The following ADGRL3 variants were observed in gnomAD, a reference collection of about 807,000 sequenced individuals.
The protein encoded by ADGRL3 is calcium-independent alpha-latrotoxin receptor 3.
A neutral mutation model predicts 153.5 loss-of-function variants in ADGRL3; 62 were observed. The ratio of observed to expected loss-of-function variants is 0.40; its 90% CI spans 0.33 to 0.50. The LOEUF is 0.50. ADGRL3 is among the 20% of genes least tolerant of loss of function. ADGRL3 has a pLI of 0.47. For synonymous variants in ADGRL3, 710 were observed against 672.5 expected (o/e 1.06, Z -0.86); for missense variants, 1,641 against 1,859.4 (o/e 0.88, Z 2.16).
intron 3 of ADGRL3, among the ~76,000 whole-genome samples, chr4:61,508,836 G>C (rs1454925184): frequency 2.0e-5 from 3 of 152,096 alleles, no homozygotes; most frequent in Admixed American, 2.0e-4. Context: ...AGGTTTAATT[G>C]GACTTGCAGT....
At position 61,868,935 on chromosome 4, in the gene ADGRL3, A is replaced by AT. The variant is rs903726114; in HGVS notation, c.1481-23711dup. ...GGACCCAAGATCTACCTCAAAGGTA[A>AT]TTTTTTTTTTCTTGAGACAGGGTCT... On this transcript the variant is annotated intron_variant, in intron 9 of 26. Coordinates refer to ENST00000683033, the MANE Select transcript of ADGRL3 (RefSeq NM_001387552.1). Among the ~76,000 whole-genome samples the AT allele has an allele frequency of 9.0e-4, 136 of 150,530 alleles. No homozygotes were observed. The Middle Eastern group carries it at 0.01, about 11-fold the overall frequency.
intron 8 of ADGRL3, among the ~76,000 whole-genome samples, chr4:61,793,713 C>A (rs2097372103): frequency 6.6e-6 from 1 of 152,130 alleles, no homozygotes; most frequent in Non-Finnish European, 1.5e-5. Flanking sequence ...CTCCAGACAG[C>A]TACCGGATAC....
intron 6 of ADGRL3, among the ~76,000 whole-genome samples, chr4:61,720,915 G>T (rs1580448100): frequency 6.6e-6 from 1 of 152,240 alleles, no homozygotes; most frequent in East Asian, 1.9e-4. Flanking sequence ...CAGCTCTACC[G>T]ATTACTAGTT....
intron 13 of ADGRL3, among the ~76,000 whole-genome samples, chr4:61,919,481 TCA>T (rs1046073307): frequency 1.8e-4 from 27 of 152,250 alleles, no homozygotes; most frequent in African/African-American, 6.3e-4. Flanking sequence ...GACATTGAGA[TCA>T]AAGAAAGTGA....
chr4:61,797,009 T>A (rs1411784946), intron 8 of ADGRL3, among the ~76,000 whole-genome samples: 2 of 152,198 alleles, frequency 1.3e-5, no homozygotes, highest in Admixed American at 1.3e-4. Flanking sequence ...CTTCCCTTTC[T>A]TTCCTGTCCT....
chr4:61,486,498 T>TA, intron 2 of ADGRL3, among the ~76,000 whole-genome samples: 1 of 152,242 alleles, frequency 6.6e-6, no homozygotes, highest in Middle Eastern at 3.4e-3. Context: ...TCTAAGATAG[T>TA]AAAAATCCAG....
At chr4:61,517,580 A>G (rs2098505013) in intron 4 of ADGRL3, 62 bp downstream of exon 4, 3 of 688,386 alleles carry the variant, frequency 4.4e-6, no homozygotes, top group Non-Finnish European at 8.0e-6. Flanking sequence ...TGAGAGGCTC[A>G]GCCCCAGGAA....
chr4:61,975,086 T>G (rs535954349), intron 17 of ADGRL3, among the ~76,000 whole-genome samples: 2 of 152,320 alleles, frequency 1.3e-5, no homozygotes, highest in East Asian at 3.9e-4. Flanking sequence ...TGAAACAACT[T>G]ATTCTCTTAG....
chr4:61,800,743 C>A (rs777976687), intron 8 of ADGRL3, among the ~76,000 whole-genome samples: 15 of 152,130 alleles, frequency 9.9e-5, no homozygotes, highest in South Asian at 4.1e-4. Context: ...TCATTTAGAG[C>A]CTTCTCAGCA....
chr4:61,784,132 A>C (rs1580809558), intron 8 of ADGRL3, among the ~76,000 whole-genome samples: 2 of 152,122 alleles, frequency 1.3e-5, no homozygotes, highest in Admixed American at 6.6e-5. Context: ...ATTTTTCATC[A>C]ATAACTTTGA....
chr4:62,017,066 AATAG>A (rs146341517), intron 21 of ADGRL3, among the ~76,000 whole-genome samples: 83 of 152,174 alleles, frequency 5.5e-4, no homozygotes, highest in African/African-American at 1.8e-3. Flanking sequence ...AACATTATTA[AATAG>A]ATAGAACAAC....
intron 1 of ADGRL3, among the ~76,000 whole-genome samples, chr4:61,263,473 A>AAT: frequency 6.6e-6 from 1 of 151,458 alleles, no homozygotes; most frequent in Middle Eastern, 3.4e-3. Flanking sequence ...AAAAAAAAAA[A>AAT]GACCCTGAAA....
chr4:61,997,511 T>C (rs956561108), intron 20 of ADGRL3, among the ~76,000 whole-genome samples: 1 of 138,090 alleles, frequency 7.2e-6, no homozygotes, highest in Non-Finnish European at 1.6e-5. Flanking sequence ...ATTAATCAAG[T>C]GGTAAAGGGC....
chr4:61,700,991 G>A (rs2095747722), intron 6 of ADGRL3, among the ~76,000 whole-genome samples: 1 of 152,178 alleles, frequency 6.6e-6, no homozygotes, highest in Admixed American at 6.5e-5. Flanking sequence ...GATTCCTTCA[G>A]AGTCGTTACA....
intron 2 of ADGRL3, among the ~76,000 whole-genome samples, chr4:61,431,334 G>A (rs1232678448): frequency 6.6e-6 from 1 of 152,172 alleles, no homozygotes; most frequent in Non-Finnish European, 1.5e-5. Context: ...TCCTCCCCAT[G>A]GCTGTCCTCC....
Position 61,928,832 on chromosome 4 carries a change from T to TTA in ADGRL3, c.2113-6007_2113-6006insAT, listed in dbSNP as rs1396107761. ...AAATTAAAGAAATAAAAAAGGATGC[T>TTA]TTCAGTTTTCCTATTGTATATAATG... On this transcript the variant is annotated intron_variant, in intron 13 of 26. Transcript: ENST00000683033. Among the ~76,000 whole-genome samples, 338 of 152,244 alleles carry TTA rather than the reference T, an allele frequency of 2.2e-3. 1 individual carries two copies. The highest frequency in any genetic ancestry group is 7.7e-3 in the African/African-American group (320 of 41,528).
intron 17 of ADGRL3, among the ~76,000 whole-genome samples, chr4:61,954,070 T>C (rs2150379874): frequency 6.6e-6 from 1 of 152,280 alleles, no homozygotes; most frequent in South Asian, 2.1e-4. Context: ...CACATATTTC[T>C]ATCTCCATTT....
chr4:61,476,727 A>C (rs1005661301), intron 2 of ADGRL3, among the ~76,000 whole-genome samples: 76 of 148,970 alleles, frequency 5.1e-4, no homozygotes, highest in African/African-American at 1.6e-3. Context: ...AAAAAAAAAA[A>C]AAAAAAAAAA....
intron 1 of ADGRL3, among the ~76,000 whole-genome samples, chr4:61,379,392 A>C (rs1210573173): frequency 6.6e-6 from 1 of 152,068 alleles, no homozygotes; most frequent in Non-Finnish European, 1.5e-5. Flanking sequence ...ATAAAATTAT[A>C]TTAGTAATAC....
Sources: gnomAD v4.1 joint callset for allele counts (sites outside exome capture counted in the v4.1 genomes callset) on GRCh38, gnomAD v4.1.1 for gene constraint, MANE v1.5 for transcripts, NCBI Gene and HGNC (gene_info 2026-07-23, HGNC 2026-07-21) for gene names.